Variants in GDPD4 observed in about 807,000 individuals in gnomAD.
GDPD4 encodes the protein glycerophosphodiester phosphodiesterase domain containing 4.
A neutral mutation model predicts 67.8 loss-of-function variants in GDPD4; 60 were observed. The ratio of observed to expected loss-of-function variants is 0.88; its 90% CI spans 0.72 to 1.10. The LOEUF (loss-of-function observed/expected upper bound fraction) is 1.10. Ranked by LOEUF, GDPD4 falls within the 50% of genes least tolerant of loss-of-function variation. The pLI is 0.00. For synonymous variants in GDPD4, 212 were observed against 210.9 expected, an observed-to-expected ratio of 1.00 and a Z score of -0.04; for missense variants, 623 against 613.9, an observed-to-expected ratio of 1.01 and a Z score of -0.16.
Position 77,243,691 on chromosome 11 carries a change from T to TA in GDPD4, c.1241+2dup. ...GCCAAGAGAGGTGTGGTCAAACACTTACCTTAACCCATTAGGGAACAACTT... is the reference window on the plus strand; with the variant it reads ...GCCAAGAGAGGTGTGGTCAAACACTTAACCTTAACCCATTAGGGAACAACTT... On this transcript the variant is annotated splice_region_variant and intron_variant, in intron 13 of 16. Coordinates refer to ENST00000315938, the MANE Select transcript of GDPD4 (RefSeq NM_182833.3). The TA allele has an allele frequency of 6.2e-7, 1 of 1,609,772 alleles. No homozygotes were observed. Among genetic ancestry groups the TA allele is most frequent in the Non-Finnish European group, 8.5e-7 (1 of 1,176,372 alleles).
intron 11 of GDPD4, among the ~76,000 whole-genome samples, chr11:77,249,478 C>T (rs767725098): frequency 1.3e-5 from 2 of 152,090 alleles, no homozygotes; most frequent in Non-Finnish European, 2.9e-5. Context: ...AGCTGTCACT[C>T]CATCCTAACA....
In GDPD4 at chr11:77,217,273, C is replaced by CTA; in HGVS notation, c.*2_*3dup. ...GTTTCATGGCTATGTGCAAATCTAT[C>CTA]TATCTATCTATCTTCCTCATTCTTA... On this transcript the variant is annotated 3_prime_UTR_variant, in exon 17 of 17. Transcript: ENST00000315938. 6.2e-7 allele frequency: 1 copy of CTA among 1,603,324 alleles called. No individual in the cohort carries two copies. The highest frequency in any genetic ancestry group is 8.5e-7 in the Non-Finnish European group (1 of 1,170,296).
intron 1 of GDPD4, among the ~76,000 whole-genome samples, chr11:77,294,259 T>C (rs544644511): frequency 2.0e-5 from 3 of 152,188 alleles, no homozygotes; most frequent in African/African-American, 7.2e-5. Flanking sequence ...TGGGGGAAAC[T>C]GAAACTGGGT....
chr11:77,289,033 G>T (rs1937669113), intron 1 of GDPD4, among the ~76,000 whole-genome samples: 2 of 150,652 alleles, frequency 1.3e-5, no homozygotes, highest in African/African-American at 4.9e-5. Context: ...GGAGGGGAGG[G>T]GAGGGAAGCG....
chr11:77,225,617 CAG>C (rs1565505934), intron 16 of GDPD4, among the ~76,000 whole-genome samples: 1 of 152,070 alleles, frequency 6.6e-6, no homozygotes, highest in Non-Finnish European at 1.5e-5. Context: ...ACGTTACAAA[CAG>C]AAGAACAGGG....
At chr11:77,250,736 T>A (rs1294956777) in intron 11 of GDPD4, among the ~76,000 whole-genome samples, 1 of 152,196 alleles carries the variant, frequency 6.6e-6, no homozygotes, top group Non-Finnish European at 1.5e-5. Context: ...ATCTGTTCAA[T>A]GCCCATAGTA....
At chr11:77,249,618 C>T (rs1958850672) in intron 11 of GDPD4, among the ~76,000 whole-genome samples, 1 of 152,146 alleles carries the variant, frequency 6.6e-6, no homozygotes, top group Non-Finnish European at 1.5e-5. Context: ...TCATAGCTTA[C>T]CAGAATGAGC....
intron 16 of GDPD4, 130 bp downstream of exon 16, chr11:77,227,734 C>CG: frequency 1.0e-5 from 6 of 588,454 alleles, no homozygotes; most frequent in East Asian, 3.4e-5. Flanking sequence ...CCCCTGGTCC[C>CG]TCCCCCAACC....
At chr11:77,224,665 C>T (rs1025705435) in intron 16 of GDPD4, among the ~76,000 whole-genome samples, 10 of 152,174 alleles carry the variant, frequency 6.6e-5, no homozygotes, top group African/African-American at 9.7e-5. Flanking sequence ...AAGAGGACCA[C>T]AAACCTCAAA....
chr11:77,300,367 C>T (rs1204568352), intron 1 of GDPD4, among the ~76,000 whole-genome samples: 51 of 152,118 alleles, frequency 3.4e-4, no homozygotes, highest in Admixed American at 3.0e-3. Flanking sequence ...TGTAAGGGTG[C>T]ACCCTTCTAT....
At chr11:77,241,638 TA>T (rs36036994) in intron 13 of GDPD4, among the ~76,000 whole-genome samples, 37 of 60,820 alleles carry the variant, frequency 6.1e-4, no homozygotes, top group Non-Finnish European at 9.0e-4. Context: ...ACCCTGTCTT[TA>T]AAAAAAAAAA....
At chr11:77,252,050 GTTTGTTTTTTTTTTGT>G (rs1958910974) in intron 11 of GDPD4, among the ~76,000 whole-genome samples, 1 of 71,944 alleles carries the variant, frequency 1.4e-5, no homozygotes, top group Non-Finnish European at 3.1e-5. Context: ...TTTTTTGTTT[GTTTGTTTTTTTTTTGT>G]TTTTTTTTTT....
At chr11:77,222,896 G>A (rs182908408) in intron 16 of GDPD4, among the ~76,000 whole-genome samples, 100 of 152,202 alleles carry the variant, frequency 6.6e-4, no homozygotes, top group Middle Eastern at 6.8e-3. Context: ...GTCTTTTCAC[G>A]TAGTCCCATA....
At chr11:77,251,197 T>A (rs182507111) in intron 11 of GDPD4, among the ~76,000 whole-genome samples, 38 of 152,326 alleles carry the variant, frequency 2.5e-4, no homozygotes, top group Admixed American at 2.4e-3. Flanking sequence ...GTATTATGTT[T>A]GTTTTGTATA....
chr11:77,280,869 T>A (rs1380423656), intron 3 of GDPD4, among the ~76,000 whole-genome samples: 1 of 152,210 alleles, frequency 6.6e-6, no homozygotes, highest in Non-Finnish European at 1.5e-5. Context: ...GAGAAGGAGT[T>A]TGCTTATGTG....
chr11:77,275,471 C>T (rs1021105312), intron 5 of GDPD4, among the ~76,000 whole-genome samples: 1 of 152,192 alleles, frequency 6.6e-6, no homozygotes, highest in Non-Finnish European at 1.5e-5. Context: ...TACAGGAAGA[C>T]AGGCATTGAC....
intron 13 of GDPD4, among the ~76,000 whole-genome samples, chr11:77,243,244 AAAT>A (rs1225021367): frequency 1.3e-5 from 2 of 152,150 alleles, no homozygotes; most frequent in African/African-American, 2.4e-5. Context: ...TACATTTTTT[AAAT>A]AATAGTTTTG....
intron 16 of GDPD4, among the ~76,000 whole-genome samples, chr11:77,221,223 G>C (rs1470225536): frequency 6.6e-6 from 1 of 151,930 alleles, no homozygotes; most frequent in East Asian, 1.9e-4. Flanking sequence ...GTTTTTTTGT[G>C]TCTCTATCTC....
intron 11 of GDPD4, among the ~76,000 whole-genome samples, chr11:77,257,116 T>G (rs1026855217): frequency 2.0e-5 from 3 of 152,148 alleles, no homozygotes; most frequent in African/African-American, 7.2e-5. Context: ...ACTACTACCG[T>G]ATAAGTGAGC....
Sources: allele counts gnomAD v4.1 joint callset (sites outside exome capture counted in the v4.1 genomes callset), GRCh38; gene constraint gnomAD v4.1.1; transcripts MANE v1.5; gene names NCBI Gene and HGNC (gene_info 2026-07-23, HGNC 2026-07-21).